POT1: variants seen among roughly 807,000 people sequenced by gnomAD.
POT1 encodes the protein protection of telomeres 1, also known as protection of telomeres protein 1.
In POT1, 47 loss-of-function variants were observed where a neutral mutation model predicts 78.5. The ratio of observed to expected loss-of-function variants is 0.60; its 90% CI spans 0.47 to 0.76. POT1 has a LOEUF of 0.76. POT1 is among the 30% of genes least tolerant of loss of function. The pLI, the probability that POT1 is intolerant of heterozygous loss-of-function variation, is 0.00. For missense variants in POT1, 646 were observed against 749.9 expected (o/e 0.86, Z 1.62); for synonymous variants, 259 against 260.7 (o/e 0.99, Z 0.06).
intron 2 of POT1, among the ~76,000 whole-genome samples, chr7:124,916,386 T>C (rs1308478677): frequency 6.6e-6 from 1 of 152,110 alleles, no homozygotes. Context: ...GTAGTTACAC[T>C]TAAAAGATAG....
chr7:124,902,780 C>T (rs6959491), intron 3 of POT1, among the ~76,000 whole-genome samples: 91,349 of 151,906 alleles, frequency 0.6, 27,593 homozygotes, highest in African/African-American at 0.65. Context: ...TCAGGAGACC[C>T]ATCTCACATG....
In POT1 at chr7:124,839,944, T is replaced by C. The variant is rs560127102; in HGVS notation, c.1369+1029A>G. Among the ~76,000 whole-genome samples, 5 of 152,106 alleles carry C rather than the reference T, an allele frequency of 3.3e-5. No homozygotes were observed. The South Asian group carries it at 1.0e-3, about 32-fold the overall frequency. On this transcript the variant is annotated intron_variant, in intron 14 of 18. Coordinates refer to ENST00000357628, the MANE Select transcript of POT1 (RefSeq NM_015450.3). ...CCATTATCACTCAAAGTCCAGTCTATATTAGGGTTTACTCTCAGTGTTGTA... is the reference window on the plus strand; with the variant it reads ...CCATTATCACTCAAAGTCCAGTCTACATTAGGGTTTACTCTCAGTGTTGTA...
chr7:124,827,846 A>G (rs573542953), intron 16 of POT1, among the ~76,000 whole-genome samples: 1 of 152,246 alleles, frequency 6.6e-6, no homozygotes, highest in African/African-American at 2.4e-5. Context: ...CCTGGCCAAC[A>G]TGATGAAACC....
intron 8 of POT1, 57 bp downstream of exon 8, chr7:124,863,293 C>G (rs1795643498): frequency 4.7e-6 from 7 of 1,497,068 alleles, no homozygotes; most frequent in Non-Finnish European, 6.4e-6. Flanking sequence ...AACATAAGCT[C>G]TTTACAGACA....
chr7:124,923,548 C>T (rs56349467), intron 2 of POT1, among the ~76,000 whole-genome samples: 1,575 of 151,742 alleles, frequency 0.01, 10 homozygotes, highest in Non-Finnish European at 0.014. Context: ...AGCAAACAAA[C>T]ATATGAATTA....
intron 9 of POT1, among the ~76,000 whole-genome samples, chr7:124,854,649 T>TA: frequency 6.6e-6 from 1 of 151,810 alleles, no homozygotes; most frequent in Middle Eastern, 3.2e-3. Flanking sequence ...GCAGACAAAA[T>TA]ACAAGCCTTT....
chr7:124,857,292 G>A (rs1429240139), intron 9 of POT1, among the ~76,000 whole-genome samples: 1 of 152,182 alleles, frequency 6.6e-6, no homozygotes, highest in Non-Finnish European at 1.5e-5. Context: ...GCTCTGCAAA[G>A]AGACATTGTG....
chr7:124,856,611 T>C (rs1795452774), intron 9 of POT1, among the ~76,000 whole-genome samples: 1 of 152,154 alleles, frequency 6.6e-6, no homozygotes, highest in South Asian at 2.1e-4. Flanking sequence ...AGCACTGCGA[T>C]AGGTGCTGTT....
chr7:124,899,911 T>C (rs751458404), intron 3 of POT1, among the ~76,000 whole-genome samples: 28 of 152,136 alleles, frequency 1.8e-4, no homozygotes, highest in Non-Finnish European at 3.8e-4. Flanking sequence ...TCTTTTATCA[T>C]GAAGAAAAAT....
chr7:124,867,739 C>T (rs1031789360), intron 7 of POT1, among the ~76,000 whole-genome samples: 4 of 151,900 alleles, frequency 2.6e-5, no homozygotes, highest in African/African-American at 7.3e-5. Context: ...CTCTGCCTCC[C>T]GGGTTCAAGC....
intron 2 of POT1, among the ~76,000 whole-genome samples, chr7:124,922,763 GACAA>G (rs1236292321): frequency 1.3e-5 from 2 of 151,886 alleles, no homozygotes; most frequent in Admixed American, 6.6e-5. Context: ...TTGTTTGACA[GACAA>G]ACAAAACCAT....
At position 124,835,373 on chromosome 7, in the gene POT1, T is replaced by G. The variant is rs1562977912; in HGVS notation, c.1411A>C (p.Asn471His). The change falls in exon 15 of 19, where the codon AAT (asparagine) becomes CAT (histidine). Residue 471 changes from asparagine to histidine, a missense_variant. Asn to His is a moderately conservative substitution (Grantham distance 68). Coordinates refer to ENST00000357628, the MANE Select transcript of POT1 (RefSeq NM_015450.3). ...SEICKLSNKF[N>H]SVIPVRSGHE... ...CCAGATCTCACAGGAATTACACTAT[T>G]AAACTTGTTCGAGAGTTTGCAAATT... is the stretch of plus-strand genomic sequence containing the variant. 3.1e-6 allele frequency: 5 copies of G among 1,613,924 alleles called. No individual in the cohort carries two copies. The highest frequency in any genetic ancestry group is 4.2e-6 in the Non-Finnish European group (5 of 1,179,786).
chr7:124,905,093 C>T (rs1796727374), intron 3 of POT1, among the ~76,000 whole-genome samples: 1 of 152,106 alleles, frequency 6.6e-6, no homozygotes, highest in Admixed American at 6.5e-5. Context: ...AGATTCAATG[C>T]CATCCCCATC....
In POT1 at chr7:124,928,656, A is replaced by G. The variant is rs12706628; in HGVS notation, c.-227+159T>C. 0.13 allele frequency among the ~76,000 whole-genome samples: 20,182 copies of G among 152,262 alleles called. 1,799 individuals carry two copies. Among genetic ancestry groups the G allele is most frequent in the Non-Finnish European group, 0.2 (13,651 of 68,010 alleles). The stretch of plus-strand genomic sequence containing the variant: ...CACGAATTTGATAATTGTTCGCTAA[A>G]TAAGTACTGAATAAGAATAACTTAT... On this transcript the variant is annotated intron_variant, in intron 2 of 18. Coordinates refer to ENST00000357628, the MANE Select transcript of POT1 (RefSeq NM_015450.3).
intron 9 of POT1, among the ~76,000 whole-genome samples, chr7:124,854,792 A>C (rs1445083870): frequency 1.3e-5 from 2 of 151,930 alleles, no homozygotes; most frequent in Non-Finnish European, 2.9e-5. Context: ...CATTGGAAAA[A>C]ACATAAAATT....
rs117288578 is a variant in POT1 at position 124,852,958 on chromosome 7, T to C, written c.869+14A>G. Reference sequence around the variant, plus strand: ...CGATACCTTATTTACATTTTCTAAATACTAAAAGCTTACTTTTTCAGTTGA... The same window carrying C: ...CGATACCTTATTTACATTTTCTAAACACTAAAAGCTTACTTTTTCAGTTGA... On this transcript the variant is annotated intron_variant, in intron 10 of 18. Coordinates refer to ENST00000357628, the MANE Select transcript of POT1 (RefSeq NM_015450.3). The C allele has an allele frequency of 3.7e-4, 593 of 1,604,868 alleles. 1 individual carries two copies. Among genetic ancestry groups the C allele is most frequent in the Non-Finnish European group, 4.9e-4 (577 of 1,175,500 alleles).
At chr7:124,920,029 G>C (rs1054146016) in intron 2 of POT1, among the ~76,000 whole-genome samples, 12 of 147,438 alleles carry the variant, frequency 8.1e-5, no homozygotes, top group African/African-American at 2.8e-4. Flanking sequence ...ATCTAGAGAA[G>C]TGTAGCATGC....
At position 124,853,065 on chromosome 7, in the gene POT1, A is replaced by C; in HGVS notation, c.776T>G (p.Leu259Ter). 1 of 1,610,704 alleles carries C rather than the reference A, an allele frequency of 6.2e-7. No individual in the cohort carries two copies. The highest frequency in any genetic ancestry group is 8.5e-7 in the Non-Finnish European group (1 of 1,177,018). The change falls in exon 10 of 19, where the codon TTA becomes TGA. Residue 259 changes from leucine (L) to a stop codon, truncating the protein, a stop_gained. Coordinates refer to ENST00000357628, the MANE Select transcript of POT1 (RefSeq NM_015450.3). LOFTEE classifies it high-confidence loss of function. Reference protein sequence around the residue: ...QSMNSENQTMLSLEFHLHGGT... With the variant: ...QSMNSENQTM The stretch of plus-strand genomic sequence containing the variant: ...TCCATGAAGATGAAACTCTAAACTT[A>C]ACATTGTCTGATTCTCTGAATTCAT...
intron 6 of POT1, among the ~76,000 whole-genome samples, chr7:124,887,188 G>A (rs2116615910): frequency 6.6e-6 from 1 of 152,108 alleles, no homozygotes; most frequent in Admixed American, 6.6e-5. Context: ...TGATGGGGTG[G>A]GGAAATGAAG....
Sources: gnomAD v4.1 joint callset for allele counts (sites outside exome capture counted in the v4.1 genomes callset) on GRCh38, gnomAD v4.1.1 for gene constraint, MANE v1.5 for transcripts, NCBI Gene and HGNC (gene_info 2026-07-23, HGNC 2026-07-21) for gene names.